HDAC9: variants seen among roughly 807,000 people sequenced by gnomAD.
HDAC9 encodes the protein histone deacetylase 9.
In HDAC9, 41 loss-of-function variants were observed where a neutral mutation model predicts 139.4. That is an observed-to-expected ratio of 0.29 (90% CI 0.23 to 0.38). The LOEUF is 0.38. Ranked by LOEUF, HDAC9 falls within the 10% of genes least tolerant of loss-of-function variation. The probability of loss-of-function intolerance (pLI) is 1.00; values close to 1 mark genes in which losing one functional copy is unlikely to be tolerated. For synonymous variants in HDAC9, 517 were observed against 476.2 expected (o/e 1.09, Z -1.12); for missense variants, 1,147 against 1,297.0 (o/e 0.88, Z 1.78).
intron 22 of HDAC9, among the ~76,000 whole-genome samples, chr7:18,877,011 GA>G (rs1319397038): frequency 6.6e-6 from 1 of 152,022 alleles, no homozygotes; most frequent in Non-Finnish European, 1.5e-5. Context: ...TGAGAATAGA[GA>G]ATTTCGATGC....
intron 6 of HDAC9, among the ~76,000 whole-genome samples, chr7:18,625,039 A>G (rs955369618): frequency 2.0e-5 from 3 of 152,080 alleles, no homozygotes; most frequent in Admixed American, 6.6e-5. Flanking sequence ...TCAAAACCTT[A>G]TGTCCTCAGA....
intron 21 of HDAC9, among the ~76,000 whole-genome samples, chr7:18,837,864 G>A (rs1227856691): frequency 6.6e-6 from 1 of 152,044 alleles, no homozygotes; most frequent in African/African-American, 2.4e-5. Flanking sequence ...CCTGAATGGG[G>A]TTGACGATTC....
intron 6 of HDAC9, among the ~76,000 whole-genome samples, chr7:18,613,652 A>G (rs1837784198): frequency 6.6e-6 from 1 of 152,010 alleles, no homozygotes; most frequent in Non-Finnish European, 1.5e-5. Flanking sequence ...TACCTATATG[A>G]TTGAGTTTAG....
intron 13 of HDAC9, among the ~76,000 whole-genome samples, chr7:18,745,515 G>T (rs1787858866): frequency 6.9e-6 from 1 of 144,972 alleles, no homozygotes; most frequent in Admixed American, 6.9e-5. Flanking sequence ...GCAATGTAAT[G>T]ATTAGACTCT....
intron 2 of HDAC9, among the ~76,000 whole-genome samples, chr7:18,283,345 C>T (rs1797228452): frequency 6.6e-6 from 1 of 152,176 alleles, no homozygotes; most frequent in Non-Finnish European, 1.5e-5. Flanking sequence ...AGTCCACCCC[C>T]ATAATCCAAT....
intron 1 of HDAC9, among the ~76,000 whole-genome samples, chr7:18,370,913 C>T (rs1367536358): frequency 6.6e-6 from 1 of 152,102 alleles, no homozygotes; most frequent in Non-Finnish European, 1.5e-5. Context: ...TTTGGGTCTC[C>T]TAAGCACTGA....
chr7:18,549,742 G>T (rs1816459566), intron 2 of HDAC9, among the ~76,000 whole-genome samples: 1 of 151,060 alleles, frequency 6.6e-6, no homozygotes, highest in African/African-American at 2.4e-5. Flanking sequence ...AAATAAAAAG[G>T]TGGTTTTTTT....
intron 2 of HDAC9, chr7:18,509,367 C>G (rs1800754294): frequency 1.0e-6 from 1 of 985,320 alleles, no homozygotes; most frequent in Non-Finnish European, 1.2e-6. Flanking sequence ...ACGATTTTCT[C>G]TAGCCTCAAG....
rs1786570468 is a variant in HDAC9 at position 18,998,169 on chromosome 7, G to C, written c.*2107G>C. ...TTTTAATTAGAAAAATAATTGTGTAGTTTTAAAATCAACTTCATAATTATA... is the reference window on the plus strand; with the variant it reads ...TTTTAATTAGAAAAATAATTGTGTACTTTTAAAATCAACTTCATAATTATA... On this transcript the variant is annotated 3_prime_UTR_variant, in exon 26 of 26. Transcript: ENST00000686413. 1 of 152,118 alleles carries C rather than the reference G, an allele frequency of 6.6e-6. No homozygotes were observed. The highest frequency in any genetic ancestry group is 6.5e-5 in the Admixed American group (1 of 15,278). 9.4% of individuals were successfully genotyped at this position (152,118 alleles called of 1,614,324 possible). A position where few individuals can be genotyped will look rare whatever the true frequency, so the allele number is the denominator to read the frequency against.
intron 3 of HDAC9, among the ~76,000 whole-genome samples, chr7:18,589,912 A>G (rs2128818022): frequency 6.6e-6 from 1 of 152,192 alleles, no homozygotes; most frequent in East Asian, 1.9e-4. Context: ...TGCGTTGATT[A>G]TTTTTACACC....
At chr7:18,673,326 A>G (rs1025472774) in intron 12 of HDAC9, among the ~76,000 whole-genome samples, 3 of 152,006 alleles carry the variant, frequency 2.0e-5, no homozygotes, top group African/African-American at 7.2e-5. Context: ...TTTGATCTTC[A>G]TGCCTCTGTT....
intron 1 of HDAC9, among the ~76,000 whole-genome samples, chr7:18,447,327 CT>C (rs1792386888): frequency 6.6e-6 from 1 of 152,120 alleles, no homozygotes; most frequent in Non-Finnish European, 1.5e-5. Context: ...TTATATATCG[CT>C]TACCACAATT....
intron 2 of HDAC9, among the ~76,000 whole-genome samples, chr7:18,266,349 T>C (rs756248526): frequency 1.3e-5 from 2 of 152,186 alleles, no homozygotes; most frequent in Non-Finnish European, 2.9e-5. Flanking sequence ...GGGTTCATTT[T>C]TGATAAGTTA....
chr7:18,473,661 C>G (rs1794897159), intron 1 of HDAC9, among the ~76,000 whole-genome samples: 1 of 152,150 alleles, frequency 6.6e-6, no homozygotes, highest in Admixed American at 6.5e-5. Flanking sequence ...TTTAGCAACC[C>G]TGAGTTCTTT....
chr7:18,709,685 C>T (rs971008266), intron 12 of HDAC9, among the ~76,000 whole-genome samples: 1 of 152,182 alleles, frequency 6.6e-6, no homozygotes, highest in Admixed American at 6.5e-5. Context: ...ACATTCTTCT[C>T]CCTTACAGGT....
chr7:18,305,101 G>T (rs1307974821), intron 1 of HDAC9, among the ~76,000 whole-genome samples: 2 of 152,092 alleles, frequency 1.3e-5, no homozygotes, highest in African/African-American at 4.8e-5. Context: ...CCACCAATCT[G>T]GGTAGCACCT....
intron 2 of HDAC9, among the ~76,000 whole-genome samples, chr7:18,264,703 G>A (rs12154412): frequency 0.38 from 58,472 of 151,916 alleles, 12,642 homozygotes; most frequent in Admixed American, 0.51. Flanking sequence ...TCTTGCCTAT[G>A]CATACCTGCT....
At chr7:18,719,621 T>C (rs1269388851) in intron 12 of HDAC9, among the ~76,000 whole-genome samples, 1 of 152,198 alleles carries the variant, frequency 6.6e-6, no homozygotes, top group African/African-American at 2.4e-5. Context: ...ATTACAGGTG[T>C]GAACCACCTT....
chr7:18,815,138 A>G (rs1794468035), intron 17 of HDAC9, among the ~76,000 whole-genome samples: 1 of 152,180 alleles, frequency 6.6e-6, no homozygotes, highest in Non-Finnish European at 1.5e-5. Flanking sequence ...ATCTTCAAAA[A>G]GGCTATGAAC....
Sources: gnomAD v4.1 joint callset for allele counts (sites outside exome capture counted in the v4.1 genomes callset) on GRCh38, gnomAD v4.1.1 for gene constraint, MANE v1.5 for transcripts, NCBI Gene and HGNC (gene_info 2026-07-23, HGNC 2026-07-21) for gene names.